Variants in KLHL1 observed in about 807,000 individuals in gnomAD.
The protein encoded by KLHL1 is kelch like family member 1.
Under a neutral mutation model 77.7 loss-of-function variants are expected in KLHL1, and 47 were observed. That is an observed-to-expected ratio of 0.60 (90% CI 0.48 to 0.77). KLHL1 has a LOEUF of 0.77. Ranked by LOEUF, KLHL1 falls within the 30% of genes least tolerant of loss-of-function variation. The probability of loss-of-function intolerance (pLI) is 0.00; values close to 1 mark genes in which losing one functional copy is unlikely to be tolerated. For synonymous variants in KLHL1, 360 were observed against 325.2 expected (o/e 1.11, Z -1.15); for missense variants, 925 against 910.8 (o/e 1.02, Z -0.20).
At chr13:69,797,067 ATT>A in intron 6 of KLHL1, 105 bp from the exon 7 acceptor site, 1 of 889,168 alleles carries the variant, frequency 1.1e-6, no homozygotes, top group Non-Finnish European at 1.8e-6. Context: ...TGTCATATTC[ATT>A]TTTTTTAAAA....
intron 4 of KLHL1, among the ~76,000 whole-genome samples, chr13:69,937,792 G>A (rs1045788693): frequency 2.0e-5 from 3 of 152,230 alleles, no homozygotes; most frequent in African/African-American, 7.2e-5. Flanking sequence ...CCAAAGGAAA[G>A]ATGACAAATA....
chr13:69,827,771 C>T (rs1181682752), intron 6 of KLHL1, among the ~76,000 whole-genome samples: 2 of 149,874 alleles, frequency 1.3e-5, no homozygotes, highest in African/African-American at 2.4e-5. Context: ...TAGCACATCT[C>T]ATCATTAACA....
At position 70,094,393 on chromosome 13, in the gene KLHL1, T is replaced by TATATATATATATATATATATA. The variant is rs1887738580; in HGVS notation, c.497+12809_497+12810insTATATATATATATATATATAT. On this transcript the variant is annotated intron_variant, in intron 1 of 10. Transcript: ENST00000377844. Reference sequence around the variant, plus strand: ...TGAAACAAATACAATGCAATCATCTTTATATATATATATATATGAATATAT... The same window carrying TATATATATATATATATATATA: ...TGAAACAAATACAATGCAATCATCTTATATATATATATATATATATATATATATATATATATATGAATATAT... Among the ~76,000 whole-genome samples the TATATATATATATATATATATA allele has an allele frequency of 2.5e-3, 345 of 137,140 alleles. 6 individuals are homozygous for TATATATATATATATATATATA. Among genetic ancestry groups the TATATATATATATATATATATA allele is most frequent in the African/African-American group, 0.01 (317 of 31,582 alleles). 90.0% of individuals were successfully genotyped at this position (137,140 alleles called of 152,430 possible). A position where few individuals can be genotyped will look rare whatever the true frequency, so the allele number is the denominator to read the frequency against.
chr13:69,776,974 C>G (rs948840078), intron 7 of KLHL1, among the ~76,000 whole-genome samples: 2 of 151,990 alleles, frequency 1.3e-5, no homozygotes, highest in Non-Finnish European at 2.9e-5. Context: ...ATGTCCCCAC[C>G]CAAATCTCAT....
chr13:69,726,700 G>T (rs1164393658), intron 8 of KLHL1, among the ~76,000 whole-genome samples: 1 of 152,070 alleles, frequency 6.6e-6, no homozygotes, highest in East Asian at 1.9e-4. Flanking sequence ...AATTCATCAT[G>T]TATCCAAACT....
In KLHL1 at chr13:70,001,787, A is replaced by G. The variant is rs931817432; in HGVS notation, c.498-25985T>C. 4.2e-4 allele frequency among the ~76,000 whole-genome samples: 63 copies of G among 151,586 alleles called. No individual in the cohort carries two copies. In the Admixed American group the frequency reaches 4.2e-3, roughly 10 times the overall value. On this transcript the variant is annotated intron_variant, in intron 1 of 10. Transcript: ENST00000377844. ...AACTATGTCAGTAGACCATGAAATC[A>G]AAAATTATTTGATAAAAATGTAGTG... is the stretch of plus-strand genomic sequence containing the variant.
intron 2 of KLHL1, among the ~76,000 whole-genome samples, chr13:69,966,810 A>G (rs1036011203): frequency 6.6e-6 from 1 of 151,942 alleles, no homozygotes; most frequent in East Asian, 1.9e-4. Flanking sequence ...TCAACTCTCT[A>G]TGTCCATATA....
intron 5 of KLHL1, among the ~76,000 whole-genome samples, chr13:69,878,711 T>TATAG (rs1555276584): frequency 8.4e-5 from 12 of 143,504 alleles, no homozygotes; most frequent in East Asian, 4.0e-4. Flanking sequence ...TATATATATA[T>TATAG]AGAGAGAGAG....
intron 1 of KLHL1, among the ~76,000 whole-genome samples, chr13:70,024,554 G>C (rs961291587): frequency 6.7e-6 from 1 of 150,316 alleles, no homozygotes; most frequent in African/African-American, 2.4e-5. Flanking sequence ...TTTTTAGTTA[G>C]TATTCAGGAG....
At position 69,700,827 on chromosome 13, in the gene KLHL1, T is replaced by C. The variant is rs760238496; in HGVS notation, c.*875A>G. 1.3e-5 allele frequency: 2 copies of C among 152,376 alleles called. No individual in the cohort carries two copies. Among genetic ancestry groups the C allele is most frequent in the Non-Finnish European group, 2.9e-5 (2 of 67,854 alleles). 9.4% of individuals were successfully genotyped at this position (152,376 alleles called of 1,614,324 possible). On this transcript the variant is annotated 3_prime_UTR_variant, in exon 11 of 11. Transcript: ENST00000377844. ...ACTTAATGGATCATATGTTTTTCTTTTGAAATTCTAAGTTTGTTTAAGAAC... is the reference window on the plus strand; with the variant it reads ...ACTTAATGGATCATATGTTTTTCTTCTGAAATTCTAAGTTTGTTTAAGAAC...
At chr13:69,812,231 C>A (rs2138063911) in intron 6 of KLHL1, among the ~76,000 whole-genome samples, 1 of 152,166 alleles carries the variant, frequency 6.6e-6, no homozygotes, top group African/African-American at 2.4e-5. Flanking sequence ...GTTTCTTAAT[C>A]CTGAGTTCTA....
At chr13:69,977,856 T>C (rs887684447) in intron 1 of KLHL1, among the ~76,000 whole-genome samples, 1 of 152,142 alleles carries the variant, frequency 6.6e-6, no homozygotes, top group Non-Finnish European at 1.5e-5. Flanking sequence ...TTCCAGAAGA[T>C]GTGTTTGTGC....
At chr13:69,750,758 T>A (rs1289848784) in intron 7 of KLHL1, among the ~76,000 whole-genome samples, 1 of 152,048 alleles carries the variant, frequency 6.6e-6, no homozygotes, top group Non-Finnish European at 1.5e-5. Flanking sequence ...CATTAAGATT[T>A]TTTTGCTTGA....
chr13:70,019,626 C>G (rs531622445), intron 1 of KLHL1, among the ~76,000 whole-genome samples: 1 of 152,114 alleles, frequency 6.6e-6, no homozygotes, highest in Non-Finnish European at 1.5e-5. Flanking sequence ...CTATTACTAC[C>G]TCTATTTTAC....
At chr13:69,933,283 A>G (rs2138285424) in intron 4 of KLHL1, among the ~76,000 whole-genome samples, 1 of 152,292 alleles carries the variant, frequency 6.6e-6, no homozygotes, top group East Asian at 1.9e-4. Flanking sequence ...ATTAAAAATC[A>G]TTTAATACTA....
At chr13:69,925,693 G>A (rs1182016066) in intron 4 of KLHL1, among the ~76,000 whole-genome samples, 1 of 117,398 alleles carries the variant, frequency 8.5e-6, no homozygotes, top group Non-Finnish European at 1.9e-5. Flanking sequence ...AACATTTGAA[G>A]TTTTATTGCC....
intron 5 of KLHL1, among the ~76,000 whole-genome samples, chr13:69,856,085 C>A (rs967437120): frequency 3.3e-5 from 5 of 151,336 alleles, no homozygotes; most frequent in Non-Finnish European, 5.9e-5. Flanking sequence ...GCATTCACTG[C>A]ATTTCTTCTG....
chr13:69,915,941 A>C (rs1288227871), intron 4 of KLHL1, among the ~76,000 whole-genome samples: 1 of 152,246 alleles, frequency 6.6e-6, no homozygotes, highest in Middle Eastern at 3.2e-3. Flanking sequence ...AAGGATATGA[A>C]CAGACACTTC....
rs765410394 is a variant in KLHL1 at position 69,740,386 on chromosome 13, T to G, written c.1802+8A>C. On this transcript the variant is annotated splice_region_variant and intron_variant, in intron 8 of 10. Coordinates refer to ENST00000377844, the MANE Select transcript of KLHL1 (RefSeq NM_020866.3). Reference sequence around the variant, plus strand: ...TAAGATTAAAAAATAAGAAAAAAATTTACTTACTTGCCATTCAATGCTGCT... The same window carrying G: ...TAAGATTAAAAAATAAGAAAAAAATGTACTTACTTGCCATTCAATGCTGCT... The G allele has an allele frequency of 4.4e-5, 67 of 1,525,544 alleles. No individual in the cohort carries two copies. The highest frequency in any genetic ancestry group is 1.8e-4 in the Middle Eastern group (1 of 5,552). The allele number at this position is 1,525,544 out of a possible 1,614,324, so 94.5% of individuals were successfully genotyped here. A position where few individuals can be genotyped will look rare whatever the true frequency, so the allele number is the denominator to read the frequency against.
Sources: allele counts gnomAD v4.1 joint callset (sites outside exome capture counted in the v4.1 genomes callset), GRCh38; gene constraint gnomAD v4.1.1; transcripts MANE v1.5; gene names NCBI Gene and HGNC (gene_info 2026-07-23, HGNC 2026-07-21).